The following GUCY1A2 variants were observed in gnomAD, a reference collection of about 807,000 sequenced individuals.
GUCY1A2 encodes the protein guanylate cyclase 1 soluble subunit alpha 2.
In GUCY1A2, 27 loss-of-function variants were observed where a neutral mutation model predicts 63.5. The ratio of observed to expected loss-of-function variants is 0.43; its 90% CI spans 0.31 to 0.59. The LOEUF is 0.59. GUCY1A2 is among the 20% of genes least tolerant of loss of function. The pLI is 0.11. For synonymous variants in GUCY1A2, 364 were observed against 343.5 expected, an observed-to-expected ratio of 1.06 and a Z score of -0.66; for missense variants, 768 against 913.3, an observed-to-expected ratio of 0.84 and a Z score of 2.05.
chr11:106,809,919 A>T, intron 5 of GUCY1A2, 74 bp downstream of exon 5: 1 of 986,786 alleles, frequency 1.0e-6, no homozygotes, highest in East Asian at 2.6e-5. Context: ...AAGTTTAAGT[A>T]AAAAAATCAA....
rs1862415953 is a variant in GUCY1A2, at chr11:106,680,569, T to C, written c.*6980A>G. The C allele has an allele frequency of 5.1e-6, 1 of 196,272 alleles. No individual in the cohort carries two copies. The highest frequency in any genetic ancestry group is 1.1e-5 in the Non-Finnish European group (1 of 94,620). The allele number at this position is 196,272 out of a possible 1,614,324, so 12.2% of individuals were successfully genotyped here. On this transcript the variant is annotated 3_prime_UTR_variant, in exon 8 of 8. Coordinates refer to ENST00000526355, the MANE Select transcript of GUCY1A2 (RefSeq NM_000855.3). ...AACTGGAAGGATAACTTCAGTGTAA[T>C]TTAATAGATTCAAATTAAATATTTT...
In GUCY1A2 at chr11:106,678,168, T is replaced by A. The variant is rs142148339; in HGVS notation, c.*9381A>T. The A allele has an allele frequency of 5.1e-6, 1 of 196,600 alleles. No homozygotes were observed. 12.2% of individuals were successfully genotyped at this position (196,600 alleles called of 1,614,324 possible). On this transcript the variant is annotated 3_prime_UTR_variant, in exon 8 of 8. Coordinates refer to ENST00000526355, the MANE Select transcript of GUCY1A2 (RefSeq NM_000855.3). ...TACTTTAGATAATTATACAGTCCTCTAGTTTATCTAGACCTTCTTGGCTAG... is the reference window on the plus strand; with the variant it reads ...TACTTTAGATAATTATACAGTCCTCAAGTTTATCTAGACCTTCTTGGCTAG...
At chr11:106,986,689 TAACA>T (rs1861406176) in intron 1 of GUCY1A2, among the ~76,000 whole-genome samples, 1 of 152,234 alleles carries the variant, frequency 6.6e-6, no homozygotes. Flanking sequence ...TTGAGGAGAC[TAACA>T]AAAAGGCAGA....
intron 4 of GUCY1A2, among the ~76,000 whole-genome samples, chr11:106,907,278 T>C (rs1860223657): frequency 1.3e-5 from 2 of 152,088 alleles, no homozygotes; most frequent in East Asian, 3.9e-4. Context: ...CTGAATCCTT[T>C]TTTTGCTTAC....
At chr11:106,990,600 T>TGC (rs1555057915) in intron 1 of GUCY1A2, among the ~76,000 whole-genome samples, 2 of 152,358 alleles carry the variant, frequency 1.3e-5, no homozygotes, top group South Asian at 2.1e-4. Context: ...TGTGTGTGTG[T>TGC]GCGCGCACGC....
intron 4 of GUCY1A2, among the ~76,000 whole-genome samples, chr11:106,825,265 T>C (rs1858953219): frequency 6.6e-6 from 1 of 152,160 alleles, no homozygotes; most frequent in Admixed American, 6.5e-5. Context: ...CTTAGCTATA[T>C]TTTTTCTTTT....
At chr11:106,769,869 T>C (rs1940383) in intron 6 of GUCY1A2, among the ~76,000 whole-genome samples, 141,022 of 152,026 alleles carry the variant, frequency 0.93, 65,482 homozygotes, top group East Asian at 1. Context: ...TATATGTTTT[T>C]AATCTCAATG....
intron 4 of GUCY1A2, among the ~76,000 whole-genome samples, chr11:106,928,469 C>T (rs1221118162): frequency 6.6e-6 from 1 of 151,838 alleles, no homozygotes; most frequent in Non-Finnish European, 1.5e-5. Flanking sequence ...AGATTTTTGA[C>T]CCCCCTGTAT....
At chr11:106,819,507 T>G (rs1245001541) in intron 4 of GUCY1A2, among the ~76,000 whole-genome samples, 1 of 152,126 alleles carries the variant, frequency 6.6e-6, no homozygotes. Context: ...GCCATTTACA[T>G]CAAGGTAAGA....
intron 4 of GUCY1A2, among the ~76,000 whole-genome samples, chr11:106,819,230 T>G (rs1858869584): frequency 6.6e-6 from 1 of 152,184 alleles, no homozygotes; most frequent in African/African-American, 2.4e-5. Flanking sequence ...TGCTGAAGAC[T>G]CAGTGAACAC....
At chr11:106,824,870 C>A in intron 4 of GUCY1A2, 1 of 1,611,986 alleles carries the variant, frequency 6.2e-7, no homozygotes, top group Non-Finnish European at 8.5e-7. Flanking sequence ...AAAATTCAGG[C>A]AACTTCCAGA....
rs984183546 is a variant in GUCY1A2 at position 106,847,902 on chromosome 11, A to G, written c.1207-37424T>C. Among the ~76,000 whole-genome samples the G allele has an allele frequency of 3.3e-5, 5 of 151,810 alleles. 1 individual carries two copies. The South Asian group carries it at 8.3e-4, about 25-fold the overall frequency. On this transcript the variant is annotated intron_variant, in intron 4 of 7. Transcript: ENST00000526355. ...CCCAATGTATTAAATGGGGAGAGCA[A>G]GAATACTATAAATGACTCCAGAAAA...
intron 4 of GUCY1A2, among the ~76,000 whole-genome samples, chr11:106,926,891 TTTTTCTCTA>T (rs1346691939): frequency 6.6e-6 from 1 of 151,182 alleles, no homozygotes; most frequent in African/African-American, 2.4e-5. Context: ...ACAATAATCT[TTTTTCTCTA>T]TTTTCTCTAT....
intron 3 of GUCY1A2, among the ~76,000 whole-genome samples, chr11:106,954,821 A>G (rs1208126339): frequency 6.6e-6 from 1 of 150,652 alleles, no homozygotes; most frequent in Non-Finnish European, 1.5e-5. Context: ...TAGGATTGCA[A>G]CCCCTGCTTT....
At chr11:106,925,394 A>G (rs1860508330) in intron 4 of GUCY1A2, among the ~76,000 whole-genome samples, 1 of 152,202 alleles carries the variant, frequency 6.6e-6, no homozygotes, top group African/African-American at 2.4e-5. Flanking sequence ...GTTTTATACC[A>G]AGAGGTATGA....
At chr11:107,009,256 T>C (rs2120204644) in intron 1 of GUCY1A2, among the ~76,000 whole-genome samples, 1 of 152,312 alleles carries the variant, frequency 6.6e-6, no homozygotes, top group Non-Finnish European at 1.5e-5. Flanking sequence ...GAACCTCCTA[T>C]TGTTTTCTTT....
rs200218012 is a variant in GUCY1A2, at chr11:106,680,617, C to A, written c.*6932G>T. 30 of 197,304 alleles carry A rather than the reference C, an allele frequency of 1.5e-4. No homozygotes were observed. In the East Asian group the frequency reaches 1.8e-3, roughly 12 times the overall value. The allele number at this position is 197,304 out of a possible 1,614,324, so 12.2% of individuals were successfully genotyped here. On this transcript the variant is annotated 3_prime_UTR_variant, in exon 8 of 8. Transcript: ENST00000526355. ...TTTCCATTATTTATTTAACCCAAAA[C>A]CATTCTTACTAAGGATTTAAGGATC... is the stretch of plus-strand genomic sequence containing the variant.
intron 6 of GUCY1A2, among the ~76,000 whole-genome samples, chr11:106,716,768 C>CAAAAAA (rs56999589): frequency 5.4e-5 from 3 of 55,300 alleles, no homozygotes; most frequent in Non-Finnish European, 6.5e-5. Context: ...GACTCCGTCT[C>CAAAAAA]AAAAAAAAAA....
rs548790696 is a variant in GUCY1A2 at position 106,675,434 on chromosome 11, T to C, written c.*12115A>G. 9.9e-6 allele frequency: 2 copies of C among 201,702 alleles called. No homozygotes were observed. Among genetic ancestry groups the C allele is most frequent in the East Asian group, 1.5e-4 (2 of 13,178 alleles). 12.5% of individuals were successfully genotyped at this position (201,702 alleles called of 1,614,324 possible). On this transcript the variant is annotated 3_prime_UTR_variant, in exon 8 of 8. Coordinates refer to ENST00000526355, the MANE Select transcript of GUCY1A2 (RefSeq NM_000855.3). ...TGAATTCATTTCCGCATAGTCGGAA[T>C]AATTTTTGCTCCAAATTCTTAAAGG...
Sources: allele counts gnomAD v4.1 joint callset (sites outside exome capture counted in the v4.1 genomes callset), GRCh38; gene constraint gnomAD v4.1.1; transcripts MANE v1.5; gene names NCBI Gene and HGNC (gene_info 2026-07-23, HGNC 2026-07-21).